The following GAREM1 variants were observed in gnomAD, a reference collection of about 807,000 sequenced individuals.
The protein encoded by GAREM1 is GRB2-associated and regulator of MAPK protein 1.
A neutral mutation model predicts 71.3 loss-of-function variants in GAREM1; 26 were observed. The observed-to-expected ratio is 0.36, with a 90% CI of 0.27 to 0.51. GAREM1 has a LOEUF of 0.51. Ranked by LOEUF, GAREM1 falls within the 20% of genes least tolerant of loss-of-function variation. The probability of loss-of-function intolerance (pLI) is 0.95; values close to 1 mark genes in which losing one functional copy is unlikely to be tolerated. For synonymous variants in GAREM1, 440 were observed against 433.2 expected (o/e 1.02, Z -0.20); for missense variants, 1,026 against 1,103.1 (o/e 0.93, Z 0.99).
At chr18:32,292,850 GA>G (rs1179493119) in intron 3 of GAREM1, among the ~76,000 whole-genome samples, 1 of 151,996 alleles carries the variant, frequency 6.6e-6, no homozygotes, top group African/African-American at 2.4e-5. Flanking sequence ...TGCCAGTAGG[GA>G]AAAAAAGACC....
chr18:32,429,982 G>A (rs2048608439), intron 1 of GAREM1, among the ~76,000 whole-genome samples: 1 of 152,190 alleles, frequency 6.6e-6, no homozygotes, highest in Non-Finnish European at 1.5e-5. Context: ...GGACAACTGA[G>A]TAACATGAAA....
chr18:32,341,839 T>C (rs2047650740), intron 2 of GAREM1, among the ~76,000 whole-genome samples: 1 of 151,974 alleles, frequency 6.6e-6, no homozygotes, highest in South Asian at 2.1e-4. Flanking sequence ...TGGAGAGAAG[T>C]GAATGGATTC....
chr18:32,344,428 A>G (rs1257437633), intron 2 of GAREM1, among the ~76,000 whole-genome samples: 1 of 152,202 alleles, frequency 6.6e-6, no homozygotes, highest in Non-Finnish European at 1.5e-5. Context: ...TGGGACATGT[A>G]AAGAAGCTCA....
At chr18:32,398,100 T>C (rs977171400) in intron 1 of GAREM1, among the ~76,000 whole-genome samples, 1 of 152,174 alleles carries the variant, frequency 6.6e-6, no homozygotes, top group Non-Finnish European at 1.5e-5. Context: ...GAAATAAAGA[T>C]GTTCTTTGAA....
chr18:32,381,939 C>G (rs938778302), intron 2 of GAREM1, among the ~76,000 whole-genome samples: 1 of 152,192 alleles, frequency 6.6e-6, no homozygotes, highest in African/African-American at 2.4e-5. Context: ...GCTGTCAGAA[C>G]TACCTACTCA....
chr18:32,365,538 C>T (rs1200797388), intron 2 of GAREM1, among the ~76,000 whole-genome samples: 2 of 152,062 alleles, frequency 1.3e-5, no homozygotes, highest in African/African-American at 4.8e-5. Flanking sequence ...CTTTCTATAC[C>T]ACAATGAGGA....
chr18:32,290,498 A>G (rs1310665553), intron 3 of GAREM1, among the ~76,000 whole-genome samples: 2 of 152,128 alleles, frequency 1.3e-5, no homozygotes, highest in African/African-American at 4.8e-5. Context: ...CAAAAAAATT[A>G]GCTGGGCATG....
At chr18:32,416,138 T>C (rs568792543) in intron 1 of GAREM1, among the ~76,000 whole-genome samples, 41 of 151,940 alleles carry the variant, frequency 2.7e-4, no homozygotes, top group African/African-American at 9.9e-4. Context: ...CAAATAAAAT[T>C]AAATACCTAG....
chr18:32,282,758 C>T (rs2046967944), intron 4 of GAREM1, among the ~76,000 whole-genome samples: 1 of 152,176 alleles, frequency 6.6e-6, no homozygotes, highest in Non-Finnish European at 1.5e-5. Context: ...TAGACGAGAA[C>T]AGACTGGAAG....
chr18:32,460,746 G>A (rs2048948231), intron 1 of GAREM1, among the ~76,000 whole-genome samples: 1 of 152,194 alleles, frequency 6.6e-6, no homozygotes, highest in Non-Finnish European at 1.5e-5. Context: ...TGGATAAATG[G>A]TAAGCTGACT....
chr18:32,368,428 A>G (rs1012093295), intron 2 of GAREM1, among the ~76,000 whole-genome samples: 2 of 152,206 alleles, frequency 1.3e-5, no homozygotes, highest in Non-Finnish European at 2.9e-5. Context: ...ATCATTTGCA[A>G]AGTGTCACAG....
chr18:32,462,390 T>C (rs911012272), intron 1 of GAREM1, among the ~76,000 whole-genome samples: 3 of 152,242 alleles, frequency 2.0e-5, no homozygotes, highest in Admixed American at 6.5e-5. Flanking sequence ...TTTTTTCATA[T>C]ACCTATAAGC....
chr18:32,406,579 C>T (rs766394400), intron 1 of GAREM1, among the ~76,000 whole-genome samples: 5 of 151,870 alleles, frequency 3.3e-5, no homozygotes, highest in Admixed American at 6.6e-5. Context: ...ATGTTGTCTG[C>T]GAAAAGGAAG....
At chr18:32,320,216 T>C (rs1301553619) in intron 2 of GAREM1, among the ~76,000 whole-genome samples, 1 of 152,210 alleles carries the variant, frequency 6.6e-6, no homozygotes, top group Non-Finnish European at 1.5e-5. Context: ...TCCATTGGGA[T>C]TGTAATTGTG....
chr18:32,291,026 C>A (rs2047078385), intron 3 of GAREM1, among the ~76,000 whole-genome samples: 1 of 152,098 alleles, frequency 6.6e-6, no homozygotes, highest in Admixed American at 6.6e-5. Flanking sequence ...TGAAAGTACA[C>A]ATGTATAAGG....
At chr18:32,337,896 A>G (rs1269689717) in intron 2 of GAREM1, among the ~76,000 whole-genome samples, 1 of 152,198 alleles carries the variant, frequency 6.6e-6, no homozygotes, top group African/African-American at 2.4e-5. Context: ...TCTCAGAGAC[A>G]GTATTTTGAA....
At chr18:32,283,687 G>T (rs1319195806) in intron 4 of GAREM1, among the ~76,000 whole-genome samples, 2 of 152,158 alleles carry the variant, frequency 1.3e-5, no homozygotes, top group Non-Finnish European at 2.9e-5. Flanking sequence ...TAATATACAA[G>T]ATATATTAAC....
chr18:32,328,021 G>A lies in GAREM1; in HGVS notation c.263-17698C>T, dbSNP rs545803909. ...TTTTTATTATCAAGATTCCATAAGA[G>A]AATTAAATATACAGGCCAAATTAAT... On this transcript the variant is annotated intron_variant, in intron 2 of 5. Coordinates refer to ENST00000269209, the MANE Select transcript of GAREM1 (RefSeq NM_001242409.2). Among the ~76,000 whole-genome samples the A allele has an allele frequency of 6.5e-4, 99 of 152,146 alleles. 1 individual carries two copies. The highest frequency in any genetic ancestry group is 2.2e-3 in the African/African-American group (93 of 41,524).
chr18:32,335,561 G>A (rs2047582523), intron 2 of GAREM1, among the ~76,000 whole-genome samples: 2 of 152,126 alleles, frequency 1.3e-5, no homozygotes, highest in African/African-American at 4.8e-5. Context: ...GAAACCCTTT[G>A]GACAGAGCAA....
Sources: allele counts gnomAD v4.1 joint callset (sites outside exome capture counted in the v4.1 genomes callset), GRCh38; gene constraint gnomAD v4.1.1; transcripts MANE v1.5; gene names NCBI Gene and HGNC (gene_info 2026-07-23, HGNC 2026-07-21).